Variants in CACNA2D1 observed in about 807,000 individuals in gnomAD.
The protein encoded by CACNA2D1 is voltage-dependent calcium channel subunit alpha-2/delta-1.
CACNA2D1 carries 53 observed loss-of-function variants against 171.5 expected under a neutral mutation model. That is an observed-to-expected ratio of 0.31 (90% confidence interval 0.25 to 0.39). CACNA2D1 has a LOEUF of 0.39. Among genes scored for constraint, CACNA2D1 ranks in the 10% least tolerant of loss-of-function variants. The pLI, the probability that CACNA2D1 is intolerant of heterozygous loss-of-function variation, is 1.00. For synonymous variants in CACNA2D1, 442 were observed against 443.1 expected (o/e 1.00, Z 0.03); for missense variants, 903 against 1,299.8 (o/e 0.69, Z 4.69).
chr7:82,401,191 C>T lies in CACNA2D1; in HGVS notation c.95+42174G>A, dbSNP rs370892269. Reference sequence around the variant, plus strand: ...GAACTAGAAATACCATTTGACGAAGCCATCCCATTACTGGGTATATACCCA... The same window carrying T: ...GAACTAGAAATACCATTTGACGAAGTCATCCCATTACTGGGTATATACCCA... On this transcript the variant is annotated intron_variant, in intron 1 of 38. Transcript: ENST00000356860. Among the ~76,000 whole-genome samples the T allele has an allele frequency of 2.4e-4, 37 of 152,270 alleles. 1 individual carries two copies. The East Asian group carries it at 5.2e-3, about 22-fold the overall frequency.
Position 82,184,680 on chromosome 7 carries a change from C to G in CACNA2D1, c.295-14071G>C, listed in dbSNP as rs530282075. ...AGTCTCAAGTACAAAGTTCAAGAAG[C>G]CTTCTTCTTTTCCTTTTTAAGAAAA... On this transcript the variant is annotated intron_variant, in intron 3 of 38. Coordinates refer to ENST00000356860, the MANE Select transcript of CACNA2D1 (RefSeq NM_000722.4). Among the ~76,000 whole-genome samples, 4 of 152,112 alleles carry G rather than the reference C, an allele frequency of 2.6e-5. No individual in the cohort carries two copies. In the South Asian group the frequency reaches 6.2e-4, roughly 24 times the overall value.
At chr7:82,386,324 A>G (rs550410514) in intron 1 of CACNA2D1, among the ~76,000 whole-genome samples, 194 of 152,322 alleles carry the variant, frequency 1.3e-3, no homozygotes, top group African/African-American at 2.7e-3. Flanking sequence ...ACCAAACATC[A>G]TTACAAAGGT....
chr7:82,218,771 G>A (rs1298242284), intron 3 of CACNA2D1, among the ~76,000 whole-genome samples: 6 of 152,112 alleles, frequency 3.9e-5, no homozygotes, highest in South Asian at 2.1e-4. Flanking sequence ...TTAGTGCAAT[G>A]TGGAATCTTA....
chr7:82,209,241 A>T (rs527776595), intron 3 of CACNA2D1, among the ~76,000 whole-genome samples: 1 of 152,228 alleles, frequency 6.6e-6, no homozygotes, highest in African/African-American at 2.4e-5. Context: ...TCAGTGCAGT[A>T]GCAAACTCTT....
chr7:81,996,958 T>C (rs1032504047), intron 19 of CACNA2D1, among the ~76,000 whole-genome samples: 46 of 152,090 alleles, frequency 3.0e-4, no homozygotes, highest in Non-Finnish European at 1.5e-4. Flanking sequence ...GAAAGAAGAC[T>C]AAGGTCGAAC....
At chr7:81,957,199 T>C (rs1793496951) in intron 38 of CACNA2D1, among the ~76,000 whole-genome samples, 3 of 152,146 alleles carry the variant, frequency 2.0e-5, no homozygotes, top group Admixed American at 2.0e-4. Context: ...ATGAAGCCTG[T>C]ATATCTGTCT....
At chr7:82,264,037 C>G (rs1463293028) in intron 3 of CACNA2D1, among the ~76,000 whole-genome samples, 1 of 152,064 alleles carries the variant, frequency 6.6e-6, no homozygotes, top group African/African-American at 2.4e-5. Flanking sequence ...TAAACTCATT[C>G]TAAATTGGCA....
At chr7:82,241,985 T>C (rs1228003863) in intron 3 of CACNA2D1, among the ~76,000 whole-genome samples, 2 of 152,150 alleles carry the variant, frequency 1.3e-5, no homozygotes, top group Admixed American at 1.3e-4. Flanking sequence ...TTTAGCCATT[T>C]AAATATTAAG....
intron 12 of CACNA2D1, among the ~76,000 whole-genome samples, chr7:82,017,318 G>T (rs1312676915): frequency 6.6e-6 from 1 of 151,976 alleles, no homozygotes; most frequent in Non-Finnish European, 1.5e-5. Flanking sequence ...TCATTCCCTA[G>T]CGCCATACCA....
chr7:82,411,648 G>A (rs1246753126), intron 1 of CACNA2D1, among the ~76,000 whole-genome samples: 1 of 151,830 alleles, frequency 6.6e-6, no homozygotes, highest in Non-Finnish European at 1.5e-5. Context: ...ACAGGTATGC[G>A]GACACCTTGC....
chr7:82,008,357 CT>C (rs1799362683), intron 15 of CACNA2D1, among the ~76,000 whole-genome samples: 1 of 152,076 alleles, frequency 6.6e-6, no homozygotes, highest in Non-Finnish European at 1.5e-5. Context: ...ATAAGCAGTA[CT>C]TTTTGACAAG....
chr7:81,997,171 C>G lies in CACNA2D1; in HGVS notation c.1662+8G>C, dbSNP rs999587520. 1.3e-6 allele frequency: 2 copies of G among 1,531,078 alleles called. No homozygotes were observed. The highest frequency in any genetic ancestry group is 2.7e-5 in the African/African-American group (2 of 73,262). 94.8% of individuals were successfully genotyped at this position (1,531,078 alleles called of 1,614,324 possible). ...GAGGAATTGTTTAGTCTTACTGATT[C>G]CACTCACCTCCACTTTAATATCATT... On this transcript the variant is annotated splice_region_variant and intron_variant, in intron 19 of 38. Coordinates refer to ENST00000356860, the MANE Select transcript of CACNA2D1 (RefSeq NM_000722.4).
intron 6 of CACNA2D1, among the ~76,000 whole-genome samples, chr7:82,087,176 G>A (rs966325492): frequency 5.9e-5 from 9 of 152,136 alleles, no homozygotes; most frequent in African/African-American, 1.2e-4. Flanking sequence ...CCAATGTGTA[G>A]TAAGATGTAA....
chr7:82,152,222 A>C (rs1350138335), intron 4 of CACNA2D1, among the ~76,000 whole-genome samples: 1 of 151,930 alleles, frequency 6.6e-6, no homozygotes, highest in Non-Finnish European at 1.5e-5. Flanking sequence ...ATTTATATTA[A>C]TATAATTCGC....
At chr7:82,055,378 C>A (rs1805700330) in intron 10 of CACNA2D1, among the ~76,000 whole-genome samples, 1 of 151,942 alleles carries the variant, frequency 6.6e-6, no homozygotes, top group Admixed American at 6.6e-5. Flanking sequence ...AACAAAAAGG[C>A]CAAGTACCAT....
chr7:82,036,731 T>A (rs989828470), intron 11 of CACNA2D1, among the ~76,000 whole-genome samples: 2 of 152,160 alleles, frequency 1.3e-5, no homozygotes, highest in Non-Finnish European at 2.9e-5. Flanking sequence ...AATAAATGAA[T>A]CACCCAATTG....
intron 6 of CACNA2D1, among the ~76,000 whole-genome samples, chr7:82,087,324 C>T: frequency 6.6e-6 from 1 of 152,058 alleles, no homozygotes; most frequent in African/African-American, 2.4e-5. Flanking sequence ...TGCAAAATTA[C>T]TACAGCCTTT....
rs747336521 is a variant in CACNA2D1, at chr7:81,959,375, A to T, written c.3077-18T>A. The T allele has an allele frequency of 5.2e-6, 8 of 1,546,192 alleles. No individual in the cohort carries two copies. The East Asian group carries it at 1.3e-4, about 26-fold the overall frequency. ...ACCGTCAGCTAAAAGAGACTTGTTA[A>T]GGAATCTCATGTTAGTTTTTTTCAC... On this transcript the variant is annotated intron_variant, in intron 37 of 38. Coordinates refer to ENST00000356860, the MANE Select transcript of CACNA2D1 (RefSeq NM_000722.4).
At chr7:82,116,048 G>A (rs1033600816) in intron 6 of CACNA2D1, among the ~76,000 whole-genome samples, 18 of 152,240 alleles carry the variant, frequency 1.2e-4, no homozygotes, top group African/African-American at 4.3e-4. Context: ...CAGGCCATCT[G>A]GATAATCTGG....
Sources: allele counts gnomAD v4.1 joint callset (sites outside exome capture counted in the v4.1 genomes callset), GRCh38; gene constraint gnomAD v4.1.1; transcripts MANE v1.5; gene names NCBI Gene and HGNC (gene_info 2026-07-23, HGNC 2026-07-21).